The following DACH1 variants were observed in gnomAD, a reference collection of about 807,000 sequenced individuals.
The protein encoded by DACH1 is dachshund family transcription factor 1, also known as dachshund homolog 1.
In DACH1, 12 loss-of-function variants were observed where a neutral mutation model predicts 54.2. The observed-to-expected ratio is 0.22, with a 90% CI of 0.14 to 0.36. The LOEUF (loss-of-function observed/expected upper bound fraction) is 0.36. DACH1 is among the 10% of genes least tolerant of loss of function. DACH1 has a pLI of 1.00. For synonymous variants in DACH1, 386 were observed against 366.2 expected, an observed-to-expected ratio of 1.05 and a Z score of -0.62; for missense variants, 805 against 929.8, an observed-to-expected ratio of 0.87 and a Z score of 1.75.
At chr13:71,796,515 T>A (rs964077717) in intron 1 of DACH1, among the ~76,000 whole-genome samples, 1 of 152,124 alleles carries the variant, frequency 6.6e-6, no homozygotes, top group African/African-American at 2.4e-5. Flanking sequence ...ATGTTTTGGT[T>A]TAATGAATGA....
chr13:71,734,160 C>CAT lies in DACH1; in HGVS notation c.849-52251_849-52250insAT, dbSNP rs777463585. Among the ~76,000 whole-genome samples the CAT allele has an allele frequency of 8.0e-4, 109 of 136,848 alleles. 4 individuals are homozygous for CAT. The highest frequency in any genetic ancestry group is 1.5e-3 in the Admixed American group (20 of 13,406). The allele number at this position is 136,848 out of a possible 152,430, so 89.8% of individuals were successfully genotyped here. ...CCCATATATATGTATATCCCATATACGTATACCCCATATATATGTATATCC... is the reference window on the plus strand; with the variant it reads ...CCCATATATATGTATATCCCATATACATGTATACCCCATATATATGTATATCC... On this transcript the variant is annotated intron_variant, in intron 1 of 10. Coordinates refer to ENST00000613252, the MANE Select transcript of DACH1 (RefSeq NM_080759.6).
At chr13:71,730,369 CT>C (rs1179658594) in intron 1 of DACH1, among the ~76,000 whole-genome samples, 1 of 151,944 alleles carries the variant, frequency 6.6e-6, no homozygotes, top group Non-Finnish European at 1.5e-5. Flanking sequence ...TTTCTTTTTC[CT>C]AGATTAAAAG....
chr13:71,866,850 A>G lies in DACH1; in HGVS notation c.-81T>C, dbSNP rs529632167. 1.9e-5 allele frequency: 20 copies of G among 1,078,926 alleles called. No homozygotes were observed. The highest frequency in any genetic ancestry group is 4.5e-5 in the South Asian group (1 of 22,376). The allele number at this position is 1,078,926 out of a possible 1,614,324, so 66.8% of individuals were successfully genotyped here. A position where few individuals can be genotyped will look rare whatever the true frequency, so the allele number is the denominator to read the frequency against. On this transcript the variant is annotated 5_prime_UTR_variant, in exon 1 of 11. Coordinates refer to ENST00000613252, the MANE Select transcript of DACH1 (RefSeq NM_080759.6). Reference sequence around the variant, plus strand: ...ACCCCCGGGAGGGGAAGGGGAAAAAAGGGGGGAGAAGGAGCGAGGGGGGCA... The same window carrying G: ...ACCCCCGGGAGGGGAAGGGGAAAAAGGGGGGGAGAAGGAGCGAGGGGGGCA...
chr13:71,649,090 G>A (rs1878497371), intron 2 of DACH1, among the ~76,000 whole-genome samples: 1 of 152,094 alleles, frequency 6.6e-6, no homozygotes, highest in Non-Finnish European at 1.5e-5. Flanking sequence ...TACAACAGTG[G>A]TCCCATAAGA....
In DACH1 at chr13:71,492,695, T is replaced by A. The variant is rs75879283; in HGVS notation, c.1571-3547A>T. 2.8e-4 allele frequency among the ~76,000 whole-genome samples: 42 copies of A among 151,590 alleles called. No homozygotes were observed. In the Middle Eastern group the frequency reaches 0.014, roughly 49 times the overall value. On this transcript the variant is annotated intron_variant, in intron 6 of 10. Coordinates refer to ENST00000613252, the MANE Select transcript of DACH1 (RefSeq NM_080759.6). Reference sequence around the variant, plus strand: ...TTACATTTTGTCACTTTTTTTTTTTTAAATTCTCTCTCTGCTTCTCTCCCT... The same window carrying A: ...TTACATTTTGTCACTTTTTTTTTTTAAAATTCTCTCTCTGCTTCTCTCCCT...
At position 71,691,459 on chromosome 13, in the gene DACH1, A is replaced by C. The variant is rs187059649; in HGVS notation, c.849-9549T>G. Among the ~76,000 whole-genome samples, 6 of 152,370 alleles carry C rather than the reference A, an allele frequency of 3.9e-5. No individual in the cohort carries two copies. The East Asian group carries it at 1.2e-3, about 29-fold the overall frequency. On this transcript the variant is annotated intron_variant, in intron 1 of 10. Coordinates refer to ENST00000613252, the MANE Select transcript of DACH1 (RefSeq NM_080759.6). ...TTTTGGTGAGACATTGAGACACCAG[A>C]AAGTAAAAGTAAAATGACTTACCTA... is the stretch of plus-strand genomic sequence containing the variant.
chr13:71,598,497 C>A (rs1271150538), intron 3 of DACH1, among the ~76,000 whole-genome samples: 1 of 152,142 alleles, frequency 6.6e-6, no homozygotes, highest in Non-Finnish European at 1.5e-5. Flanking sequence ...CCATGATCCA[C>A]CCACCTCAGC....
intron 6 of DACH1, among the ~76,000 whole-genome samples, chr13:71,546,146 T>C (rs996630293): frequency 3.3e-5 from 5 of 152,116 alleles, no homozygotes; most frequent in African/African-American, 1.2e-4. Context: ...AAAGTTTATA[T>C]TGCTTGCAAT....
chr13:71,681,211 A>T (rs1465429402), intron 2 of DACH1, among the ~76,000 whole-genome samples: 1 of 152,202 alleles, frequency 6.6e-6, no homozygotes, highest in African/African-American at 2.4e-5. Context: ...GCTCCAGTGC[A>T]TTATGAAATT....
chr13:71,686,979 T>C (rs1159450864), intron 1 of DACH1, among the ~76,000 whole-genome samples: 2 of 152,104 alleles, frequency 1.3e-5, no homozygotes, highest in Non-Finnish European at 2.9e-5. Context: ...TTAAATAATC[T>C]GTGGGGTAAG....
chr13:71,533,793 TTACTG>T (rs1244797876), intron 6 of DACH1, among the ~76,000 whole-genome samples: 6 of 150,178 alleles, frequency 4.0e-5, no homozygotes, highest in Non-Finnish European at 8.9e-5. Context: ...CACACACACT[TTACTG>T]TATTGATAGC....
chr13:71,544,872 A>C (rs1205253853), intron 6 of DACH1, among the ~76,000 whole-genome samples: 1 of 151,996 alleles, frequency 6.6e-6, no homozygotes, highest in Non-Finnish European at 1.5e-5. Context: ...GATGAATCCA[A>C]GTCCTATGGA....
At chr13:71,678,777 C>T (rs1315854605) in intron 2 of DACH1, among the ~76,000 whole-genome samples, 1 of 152,164 alleles carries the variant, frequency 6.6e-6, no homozygotes, top group African/African-American at 2.4e-5. Context: ...CCTGCCTCAA[C>T]CACCCCAGTA....
chr13:71,573,298 T>C, intron 3 of DACH1: 1 of 622,102 alleles, frequency 1.6e-6, no homozygotes, highest in East Asian at 2.8e-5. Flanking sequence ...GGGTTTTCTT[T>C]AACTTATCCC....
chr13:71,519,697 T>A (rs1299123228), intron 6 of DACH1, among the ~76,000 whole-genome samples: 1 of 150,926 alleles, frequency 6.6e-6, no homozygotes, highest in Admixed American at 6.6e-5. Context: ...TTAAGATTTT[T>A]AATGTTTTTA....
chr13:71,784,201 T>C (rs1886502077), intron 1 of DACH1, among the ~76,000 whole-genome samples: 1 of 152,084 alleles, frequency 6.6e-6, no homozygotes, highest in South Asian at 2.1e-4. Context: ...TTTGCACTGT[T>C]TTCCAGTCTT....
At chr13:71,833,024 C>T (rs1011049188) in intron 1 of DACH1, among the ~76,000 whole-genome samples, 2 of 151,816 alleles carry the variant, frequency 1.3e-5, no homozygotes, top group Non-Finnish European at 2.9e-5. Context: ...TTCAGAAAGA[C>T]GCTAACAGGG....
At chr13:71,790,914 T>G (rs1180707805) in intron 1 of DACH1, among the ~76,000 whole-genome samples, 3 of 152,240 alleles carry the variant, frequency 2.0e-5, no homozygotes, top group African/African-American at 7.2e-5. Flanking sequence ...AGCCCCCCGG[T>G]AATTGAAGTA....
chr13:71,459,796 T>A (rs1875914434), intron 10 of DACH1, among the ~76,000 whole-genome samples: 1 of 152,046 alleles, frequency 6.6e-6, no homozygotes, highest in African/African-American at 2.4e-5. Flanking sequence ...ATTAGTCACC[T>A]AATATTGCTA....
Sources: gnomAD v4.1 joint callset for allele counts (sites outside exome capture counted in the v4.1 genomes callset) on GRCh38, gnomAD v4.1.1 for gene constraint, MANE v1.5 for transcripts, NCBI Gene and HGNC (gene_info 2026-07-23, HGNC 2026-07-21) for gene names.